Variants in PCDH11X observed in about 807,000 individuals in gnomAD.
The protein encoded by PCDH11X is protocadherin-11 X-linked.
PCDH11X carries 18 observed loss-of-function variants against 53.3 expected under a neutral mutation model. That is an observed-to-expected ratio of 0.34 (90% confidence interval 0.23 to 0.50). The LOEUF (loss-of-function observed/expected upper bound fraction) is 0.50, where lower values mean the gene tolerates loss of function less well. PCDH11X is among the 20% of genes least tolerant of loss of function. PCDH11X has a pLI of 0.98. For missense variants in PCDH11X, 570 were observed against 1,032.4 expected, an observed-to-expected ratio of 0.55 and a Z score of 6.14; for synonymous variants, 279 against 393.3, an observed-to-expected ratio of 0.71 and a Z score of 3.44.
chrX:91,932,315 GC>G (rs1401767377), intron 6 of PCDH11X, among the ~76,000 whole-genome samples: 2 of 109,131 alleles, frequency 1.8e-5, no homozygotes, highest in Admixed American at 1.0e-4. Flanking sequence ...AAAATGTCAT[GC>G]CCCTTTTTGA....
chrX:91,955,683 T>C (rs1234839122), intron 6 of PCDH11X, among the ~76,000 whole-genome samples: 1 of 112,142 alleles, frequency 8.9e-6, no homozygotes. Context: ...CTTCCTATTA[T>C]GTGATCAATT....
At chrX:92,492,665 A>G (rs376477420) in intron 10 of PCDH11X, among the ~76,000 whole-genome samples, 2,082 of 108,817 alleles carry the variant, frequency 0.019, 57 homozygotes, top group African/African-American at 0.066. Context: ...TGTGTTTCAG[A>G]TCCATCTCTG....
chrX:92,331,697 A>G (rs1275045895), intron 8 of PCDH11X, among the ~76,000 whole-genome samples: 1 of 111,023 alleles, frequency 9.0e-6, no homozygotes, highest in African/African-American at 3.3e-5. Flanking sequence ...TACAGAGAAA[A>G]TTGGATTATC....
At chrX:92,542,294 A>T (rs1290280734) in intron 10 of PCDH11X, among the ~76,000 whole-genome samples, 1 of 111,440 alleles carries the variant, frequency 9.0e-6, no homozygotes, top group Non-Finnish European at 1.9e-5. Context: ...TTGCGTCAAT[A>T]TTAGGACCTT....
chrX:91,923,508 A>G lies in PCDH11X; in HGVS notation c.3033+44235A>G, dbSNP rs925320686. 8.2e-5 allele frequency among the ~76,000 whole-genome samples: 9 copies of G among 109,505 alleles called. No homozygotes were observed. In the South Asian group the frequency reaches 1.2e-3, roughly 15 times the overall value. ...AGACTCCAAATTCTTTAGCTTTGGG[A>G]CTCTTGGGCTTACACCAGTGATTTG... On this transcript the variant is annotated intron_variant, in intron 6 of 10. Transcript: ENST00000682573.
intron 6 of PCDH11X, among the ~76,000 whole-genome samples, chrX:92,116,537 C>T (rs1292865523): frequency 8.9e-6 from 1 of 112,083 alleles, no homozygotes; most frequent in African/African-American, 3.2e-5. Flanking sequence ...ATCTTTCTGG[C>T]TGTTTTCTTA....
In PCDH11X at chrX:92,188,591, G is replaced by A. The variant is rs181449739; in HGVS notation, c.3034-12784G>A. On this transcript the variant is annotated intron_variant, in intron 6 of 10. Transcript: ENST00000682573. ...GAAAGTAGAGCATATTGCATAGGAG[G>A]AGGGCATCGTCTTCCAATTGTCTCC... Among the ~76,000 whole-genome samples, 200 of 111,555 alleles carry A rather than the reference G, an allele frequency of 1.8e-3. 1 individual carries two copies. Among genetic ancestry groups the A allele is most frequent in the Non-Finnish European group, 3.1e-3 (163 of 53,094 alleles).
At position 91,937,813 on chromosome X, in the gene PCDH11X, G is replaced by A. The variant is rs2061463214; in HGVS notation, c.3033+58540G>A. ...TTTTTTCTCAAATTTTAAAAATTAA[G>A]CTTAATTTCCTCATGCAAATATGAC... On this transcript the variant is annotated intron_variant, in intron 6 of 10. Coordinates refer to ENST00000682573, the MANE Select transcript of PCDH11X (RefSeq NM_032968.5). Among the ~76,000 whole-genome samples, 3 of 110,742 alleles carry A rather than the reference G, an allele frequency of 2.7e-5. No individual in the cohort carries two copies. The Admixed American group carries it at 2.9e-4, about 11-fold the overall frequency.
intron 10 of PCDH11X, among the ~76,000 whole-genome samples, chrX:92,593,787 A>G (rs1424526835): frequency 1.8e-5 from 2 of 109,008 alleles, no homozygotes; most frequent in Non-Finnish European, 3.8e-5. Context: ...TCTGAATAAC[A>G]TGTTTTTCTT....
At chrX:92,032,117 C>T (rs2063060339) in intron 6 of PCDH11X, among the ~76,000 whole-genome samples, 1 of 111,887 alleles carries the variant, frequency 8.9e-6, no homozygotes, top group African/African-American at 3.2e-5. Context: ...AATTCATTAA[C>T]ATGGAATGTC....
intron 6 of PCDH11X, among the ~76,000 whole-genome samples, chrX:92,148,531 T>A (rs1301854296): frequency 9.3e-6 from 1 of 107,825 alleles, no homozygotes; most frequent in Non-Finnish European, 1.9e-5. Context: ...CGGCCTGAAT[T>A]TCTTTCTAAT....
At chrX:92,135,376 G>A (rs1055739019) in intron 6 of PCDH11X, among the ~76,000 whole-genome samples, 19 of 110,981 alleles carry the variant, frequency 1.7e-4, no homozygotes, top group Admixed American at 1.9e-4. Context: ...TCTAAGAAAT[G>A]AATATCCCAT....
chrX:91,942,760 GA>G (rs2061526253), intron 6 of PCDH11X, among the ~76,000 whole-genome samples: 1 of 109,908 alleles, frequency 9.1e-6, no homozygotes, highest in Non-Finnish European at 1.9e-5. Flanking sequence ...AAATCCAAAA[GA>G]AAAAAAGAAA....
chrX:92,446,606 C>A (rs938827596), intron 9 of PCDH11X, among the ~76,000 whole-genome samples: 1 of 111,593 alleles, frequency 9.0e-6, no homozygotes, highest in Non-Finnish European at 1.9e-5. Context: ...ATTGTGAGGC[C>A]TCCCCAGCCA....
intron 6 of PCDH11X, among the ~76,000 whole-genome samples, chrX:92,188,549 AAAC>A (rs1478373687): frequency 5.4e-5 from 6 of 111,635 alleles, no homozygotes; most frequent in African/African-American, 1.6e-4. Flanking sequence ...GATTAGAAGA[AAAC>A]AACATTATTG....
intron 4 of PCDH11X, among the ~76,000 whole-genome samples, chrX:91,820,597 G>A (rs1302412444): frequency 3.0e-5 from 3 of 101,390 alleles, no homozygotes; most frequent in East Asian, 3.0e-4. Context: ...AGTAGGTTGC[G>A]AAAATTTTCT....
chrX:92,215,442 G>A (rs764571240), intron 7 of PCDH11X, among the ~76,000 whole-genome samples: 7 of 96,418 alleles, frequency 7.3e-5, no homozygotes, highest in South Asian at 5.5e-4. Flanking sequence ...ACGGAGTCTC[G>A]CTGATTGCTA....
intron 6 of PCDH11X, among the ~76,000 whole-genome samples, chrX:92,147,847 C>CTTTCTT (rs2065307881): frequency 1.0e-5 from 1 of 97,083 alleles, no homozygotes. Context: ...TTCTTTCTTT[C>CTTTCTT]TTTCTTTTTT....
At chrX:92,231,756 A>G (rs897805211) in intron 7 of PCDH11X, among the ~76,000 whole-genome samples, 2 of 112,191 alleles carry the variant, frequency 1.8e-5, no homozygotes, top group African/African-American at 6.5e-5. Context: ...ACAGGTATAT[A>G]AAATGGGAGA....
Sources: allele counts gnomAD v4.1 joint callset (sites outside exome capture counted in the v4.1 genomes callset), GRCh38; gene constraint gnomAD v4.1.1; transcripts MANE v1.5; gene names NCBI Gene and HGNC (gene_info 2026-07-23, HGNC 2026-07-21).